The following AMZ1 variants were observed in gnomAD, a reference collection of about 807,000 sequenced individuals.
AMZ1 encodes the protein archaelysin family metallopeptidase 1.
A neutral mutation model predicts 29.9 loss-of-function variants in AMZ1; 39 were observed. The ratio of observed to expected loss-of-function variants is 1.30; its 90% CI spans 1.01 to 1.70. The LOEUF (loss-of-function observed/expected upper bound fraction) is 1.70, where lower values mean the gene tolerates loss of function less well. Ranked by LOEUF, AMZ1 falls within the 40% of genes most tolerant of loss-of-function variation. The pLI is 0.00. For missense variants in AMZ1, 1,041 were observed against 680.6 expected, an observed-to-expected ratio of 1.53 and a Z score of -5.89; for synonymous variants, 458 against 304.0, an observed-to-expected ratio of 1.51 and a Z score of -5.27.
At chr7:2,719,911 G>C (rs557922678), downstream of AMZ1, among the ~76,000 whole-genome samples, 3 of 152,106 alleles carry the variant, frequency 2.0e-5, no homozygotes, top group Non-Finnish European at 4.4e-5. Flanking sequence ...TCAAACTCCT[G>C]ACCTCGTGAT....
intron 4 of AMZ1, among the ~76,000 whole-genome samples, chr7:2,741,945 C>T (rs1398383793): frequency 6.6e-6 from 1 of 151,936 alleles, no homozygotes; most frequent in Middle Eastern, 3.4e-3. Context: ...CCTCCTCTAG[C>T]ACAGAATTTA....
chr7:2,721,041 G>A (rs760367035), downstream of AMZ1, among the ~76,000 whole-genome samples: 2 of 152,154 alleles, frequency 1.3e-5, no homozygotes, highest in South Asian at 2.1e-4. Context: ...GGCTGTCATC[G>A]CTGGCTGCCT....
rs1490749768 is a variant in AMZ1 at position 2,700,487 on chromosome 7, C to T, written c.36C>T (p.Phe12=). 1.3e-5 allele frequency: 21 copies of T among 1,603,770 alleles called. No homozygotes were observed. Among genetic ancestry groups the T allele is most frequent in the East Asian group, 4.5e-5 (2 of 44,886 alleles). Residue 12 remains phenylalanine, a synonymous_variant, in exon 2 of 7, where the codon TTC becomes TTT. Transcript: ENST00000683327. ...LQCRPAQEFS[F]GPRALKDALV... ...GTAGACCCGCACAGGAGTTCAGCTT[C>T]GGGCCCCGGGCCTTGAAGGACGCTC...
At chr7:2,765,129 A>G (rs2115410864) in intron 1 of AMZ1, 1 of 152,136 alleles carries the variant, frequency 6.6e-6, no homozygotes, top group South Asian at 2.1e-4. Context: ...AATCTAAGGG[A>G]AAAAAAGAAT....
In AMZ1 at chr7:2,715,959, C is replaced by G. The variant is rs776810052; in HGVS notation, c.*3081C>G. 1 of 151,696 alleles carries G rather than the reference C, an allele frequency of 6.6e-6. No individual in the cohort carries two copies. Among genetic ancestry groups the G allele is most frequent in the Non-Finnish European group, 1.5e-5 (1 of 67,844 alleles). 9.4% of individuals were successfully genotyped at this position (151,696 alleles called of 1,614,324 possible). On this transcript the variant is annotated 3_prime_UTR_variant, in exon 7 of 7. Coordinates refer to ENST00000683327, the MANE Select transcript of AMZ1 (RefSeq NM_001384743.1). ...TGCAAAGTCCACTGAATTGCTTTCTCGTCTCATCTGTCAGAAGCCCCTGCA... is the reference window on the plus strand; with the variant it reads ...TGCAAAGTCCACTGAATTGCTTTCTGGTCTCATCTGTCAGAAGCCCCTGCA...
chr7:2,739,400 G>C (rs868713348), intron 4 of AMZ1, among the ~76,000 whole-genome samples: 1 of 152,144 alleles, frequency 6.6e-6, no homozygotes, highest in Non-Finnish European at 1.5e-5. Flanking sequence ...TTTGTGTCTG[G>C]TTCTTTTACT....
chr7:2,680,924 T>C (rs1786859703), intron 1 of AMZ1, among the ~76,000 whole-genome samples: 1 of 151,986 alleles, frequency 6.6e-6, no homozygotes, highest in African/African-American at 2.4e-5. Flanking sequence ...CCTGGCCAAG[T>C]CACCAGACAC....
At chr7:2,753,177 C>G (rs1014608807) in intron 4 of AMZ1, among the ~76,000 whole-genome samples, 3 of 151,206 alleles carry the variant, frequency 2.0e-5, no homozygotes, top group Non-Finnish European at 2.9e-5. Flanking sequence ...AAAAAAGAGA[C>G]AGGGTCTTAC....
At position 2,731,148 on chromosome 7, in the gene AMZ1, GCTC is replaced by G; in HGVS notation, n.550+21333_550+21335del. On this transcript the variant is annotated intron_variant and non_coding_transcript_variant, in intron 4 of 4. Transcript: ENST00000489665. The surrounding 1 kb of genome is among the most constrained non-coding windows in gnomAD (Gnocchi z 6.0). ...AGTCTGACCGACAGCCGTGGGGGCT[GCTC>G]AACGACGACAAACCCCGGGGCTTCC... 1 of 1,478,112 alleles carries G rather than the reference GCTC, an allele frequency of 6.8e-7. No individual in the cohort carries two copies. Among genetic ancestry groups the G allele is most frequent in the Non-Finnish European group, 9.3e-7 (1 of 1,071,276 alleles). The allele number at this position is 1,478,112 out of a possible 1,614,324, so 91.6% of individuals were successfully genotyped here.
At position 2,712,754 on chromosome 7, in the gene AMZ1, G is replaced by A; in HGVS notation, c.1373G>A (p.Arg458Lys). The A allele has an allele frequency of 6.2e-7, 1 of 1,601,900 alleles. No homozygotes were observed. The highest frequency in any genetic ancestry group is 1.1e-5 in the South Asian group (1 of 89,386). The change falls in exon 7 of 7, where the codon AGG becomes AAG. Residue 458 changes from arginine to lysine, a missense_variant. Arg to Lys is a conservative substitution (Grantham distance 26). Transcript: ENST00000683327. ...PATRQDPPSS[R>K]DSVGLRKVLG... ...ACCAGGCAGGACCCACCCAGCAGCA[G>A]GGACAGCGTGGGGCTGCGCAAGGTG... is the stretch of plus-strand genomic sequence containing the variant.
intron 4 of AMZ1, among the ~76,000 whole-genome samples, chr7:2,742,330 TGAA>T (rs1327993943): frequency 2.0e-5 from 3 of 152,154 alleles, no homozygotes; most frequent in Admixed American, 2.0e-4. Flanking sequence ...CTGAGATTTT[TGAA>T]GAAGAGGGCT....
intron 4 of AMZ1, among the ~76,000 whole-genome samples, chr7:2,750,980 T>C (rs1643606568): frequency 6.6e-6 from 1 of 152,178 alleles, no homozygotes; most frequent in Admixed American, 6.5e-5. Context: ...TCAAGAAGAA[T>C]TCACAATGTA....
downstream of AMZ1, among the ~76,000 whole-genome samples, chr7:2,720,506 C>T (rs921585176): frequency 6.6e-5 from 10 of 151,830 alleles, no homozygotes; most frequent in Admixed American, 2.0e-4. Context: ...TGGGTTCAAA[C>T]GATTCTCCTG....
At chr7:2,706,473 T>C (rs905107012) in intron 3 of AMZ1, among the ~76,000 whole-genome samples, 1 of 152,344 alleles carries the variant, frequency 6.6e-6, no homozygotes, top group South Asian at 2.1e-4. Context: ...TTGTCTCACA[T>C]CGCTGGAGCC....
chr7:2,750,934 T>G (rs566054915), intron 4 of AMZ1, among the ~76,000 whole-genome samples: 1 of 152,168 alleles, frequency 6.6e-6, no homozygotes, highest in East Asian at 1.9e-4. Context: ...GCGAGAGATA[T>G]GCACACTCCA....
upstream of AMZ1, among the ~76,000 whole-genome samples, chr7:2,686,197 C>T (rs530087534): frequency 1.5e-4 from 23 of 152,262 alleles, no homozygotes; most frequent in Non-Finnish European, 2.9e-4. Flanking sequence ...TGTGAAGTCA[C>T]GGGCCGCCTG....
chr7:2,748,213 G>A (rs1790861516), intron 4 of AMZ1, among the ~76,000 whole-genome samples: 1 of 150,860 alleles, frequency 6.6e-6, no homozygotes, highest in Non-Finnish European at 1.5e-5. Context: ...TCAATCCTAA[G>A]CCAAAAGAAC....
chr7:2,753,944 T>C (rs541047137), intron 4 of AMZ1, among the ~76,000 whole-genome samples: 2 of 152,306 alleles, frequency 1.3e-5, no homozygotes, highest in East Asian at 1.9e-4. Flanking sequence ...CCACGAGCTC[T>C]GTAGGTCCGG....
rs1207467587 is a variant in AMZ1 at position 2,700,619 on chromosome 7, C to T, written c.168C>T (p.Cys56=). Residue 56 remains cysteine, a synonymous_variant, in exon 2 of 7, where the codon TGC becomes TGT. Coordinates refer to ENST00000683327, the MANE Select transcript of AMZ1 (RefSeq NM_001384743.1). ...ACAACCCGCAGAGGACGCTCTTCTG[C>T]ACCCTGCTCATCCGCACGGGCTTCG... ...EAYNPQRTLF[C]TLLIRTGFDW... is the part of the protein sequence containing the mutation. The T allele has an allele frequency of 3.7e-6, 6 of 1,610,932 alleles. No individual in the cohort carries two copies. Among genetic ancestry groups the T allele is most frequent in the Non-Finnish European group, 4.2e-6 (5 of 1,180,010 alleles).
Sources: allele counts gnomAD v4.1 joint callset (sites outside exome capture counted in the v4.1 genomes callset), GRCh38; gene constraint gnomAD v4.1.1; non-coding constraint Gnocchi (gnomAD v3.1); transcripts MANE v1.5; gene names NCBI Gene and HGNC (gene_info 2026-07-23, HGNC 2026-07-21).